Variants in FAXDC2 observed in about 807,000 individuals in gnomAD.
FAXDC2 encodes fatty acid hydroxylase domain-containing protein 2.
A neutral mutation model predicts 40.9 loss-of-function variants in FAXDC2; 41 were observed. That is an observed-to-expected ratio of 1.00 (90% CI 0.78 to 1.30). FAXDC2 has a LOEUF of 1.30. Ranked by LOEUF, FAXDC2 falls within the 50% of genes most tolerant of loss-of-function variation. FAXDC2 has a pLI of 0.00. For missense variants in FAXDC2, 390 were observed against 408.8 expected, an observed-to-expected ratio of 0.95 and a Z score of 0.40; for synonymous variants, 157 against 149.3, an observed-to-expected ratio of 1.05 and a Z score of -0.38.
rs563134605 is a variant in FAXDC2, at chr5:154,838,192, G to A, written c.1-14C>T. 14 of 1,612,660 alleles carry A rather than the reference G, an allele frequency of 8.7e-6. No individual in the cohort carries two copies. The highest frequency in any genetic ancestry group is 5.3e-5 in the African/African-American group (4 of 74,952). ...TTCTCCTTTCATCTGGAATGAGAAA[G>A]CACAGGCGAGCCGGGGAGTTATTTT... is the stretch of plus-strand genomic sequence containing the variant. On this transcript the variant is annotated splice_polypyrimidine_tract_variant and intron_variant, in intron 1 of 8. Transcript: ENST00000326080.
rs565491847 is a variant in FAXDC2, at chr5:154,823,751, G to A, written c.367-159C>T. On this transcript the variant is annotated intron_variant, in intron 5 of 8. Transcript: ENST00000326080. ...GCCACCCAGCTCTGGGCCTGGAAAC[G>A]TTGCAGAATAAGGCCCTGGCTGCTA... 1.1e-3 allele frequency: 699 copies of A among 626,578 alleles called. 3 individuals carry two copies. Among genetic ancestry groups the A allele is most frequent in the Middle Eastern group, 3.0e-3 (7 of 2,328 alleles). 38.8% of individuals were successfully genotyped at this position (626,578 alleles called of 1,614,324 possible).
intron 7 of FAXDC2, 60 bp from the exon 8 acceptor site, chr5:154,821,486 A>G (rs2113118493): frequency 1.4e-6 from 2 of 1,398,242 alleles, no homozygotes; most frequent in Non-Finnish European, 1.9e-6. Context: ...TTAGTTGGGT[A>G]TACACTTAGT....
intron 1 of FAXDC2, among the ~76,000 whole-genome samples, chr5:154,848,029 C>T (rs1171983483): frequency 2.6e-5 from 4 of 152,024 alleles, no homozygotes; most frequent in East Asian, 1.9e-4. Flanking sequence ...TTAGTAGAGA[C>T]AGGGTTTCAC....
rs1190017758 is a variant in FAXDC2, at chr5:154,834,702, GA to G, written c.166del (p.Ser56LeufsTer13). The stretch of plus-strand genomic sequence containing the variant: ...CCACTGGGCTTGCCAAAAGTAGCCA[GA>G]AGCACCCCAAAATCTCTGAAGATGC... ...TWHLQRFWGA[S>X]GYFWQAQWER... On this transcript the variant is annotated frameshift_variant, in exon 4 of 9. Transcript: ENST00000326080. LOFTEE classifies it high-confidence loss of function. 6.2e-7 allele frequency: 1 copy of G among 1,613,764 alleles called. No individual in the cohort carries two copies. The highest frequency in any genetic ancestry group is 1.7e-5 in the Admixed American group (1 of 59,880).
At chr5:154,820,711 G>A in intron 8 of FAXDC2, 2 of 409,070 alleles carry the variant, frequency 4.9e-6, no homozygotes, top group Non-Finnish European at 9.1e-6. Context: ...CTGTGTGATT[G>A]ATGCCCACAG....
intron 5 of FAXDC2, among the ~76,000 whole-genome samples, chr5:154,828,926 T>C (rs1424959838): frequency 2.7e-5 from 4 of 149,544 alleles, no homozygotes; most frequent in Non-Finnish European, 4.5e-5. Context: ...TTTTTTCTTT[T>C]TTTTTTTTTT....
rs1349613140 is a variant in FAXDC2, at chr5:154,824,465, C to T, written c.367-873G>A. 19 of 702,346 alleles carry T rather than the reference C, an allele frequency of 2.7e-5. No homozygotes were observed. In the Admixed American group the frequency reaches 3.4e-4, roughly 13 times the overall value. 43.5% of individuals were successfully genotyped at this position (702,346 alleles called of 1,614,324 possible). A position where few individuals can be genotyped will look rare whatever the true frequency, so the allele number is the denominator to read the frequency against. On this transcript the variant is annotated intron_variant, in intron 5 of 8. Coordinates refer to ENST00000326080, the MANE Select transcript of FAXDC2 (RefSeq NM_032385.5). ...GTCCCCAGCTTGAGGCCTGCCTCTT[C>T]CTCCAGCCTTTCCAGGCACTGCATG... is the stretch of plus-strand genomic sequence containing the variant.
intron 5 of FAXDC2, chr5:154,824,294 C>T: frequency 1.7e-6 from 1 of 591,210 alleles, no homozygotes; most frequent in Non-Finnish European, 3.0e-6. Context: ...TTCCCTTTGT[C>T]AGAGCACTGG....
At chr5:154,821,174 G>A (rs1047853396) in intron 8 of FAXDC2, 86 bp downstream of exon 8, 17 of 1,120,390 alleles carry the variant, frequency 1.5e-5, no homozygotes, top group Non-Finnish European at 1.9e-5. Flanking sequence ...CATGTAAACT[G>A]AGATACCAGT....
chr5:154,828,025 T>A (rs907430106), intron 5 of FAXDC2, among the ~76,000 whole-genome samples: 1 of 151,532 alleles, frequency 6.6e-6, no homozygotes, highest in African/African-American at 2.4e-5. Context: ...AGTTAAAAAA[T>A]TTTTTGTAGA....
At chr5:154,838,599 GTTTGT>G (rs1466034519) in intron 1 of FAXDC2, 1 of 211,266 alleles carries the variant, frequency 4.7e-6, no homozygotes, top group Non-Finnish European at 9.3e-6. Context: ...AGTTGGTTTG[GTTTGT>G]TCTTTTTTTT....
chr5:154,847,544 A>T (rs1444847574), intron 1 of FAXDC2, among the ~76,000 whole-genome samples: 2 of 145,754 alleles, frequency 1.4e-5, no homozygotes, highest in African/African-American at 5.1e-5. Context: ...CTGGAGTGCA[A>T]TGGCATGACC....
intron 1 of FAXDC2, among the ~76,000 whole-genome samples, chr5:154,846,268 T>TTGTGTG (rs1561662366): frequency 8.5e-6 from 1 of 118,284 alleles, no homozygotes; most frequent in African/African-American, 3.2e-5. Context: ...GTGAACTAGA[T>TTGTGTG]AGTGTGTGTG....
chr5:154,844,839 C>G (rs1376061621), intron 1 of FAXDC2, among the ~76,000 whole-genome samples: 2 of 152,178 alleles, frequency 1.3e-5, no homozygotes, highest in African/African-American at 4.8e-5. Flanking sequence ...GAGTGCTGAT[C>G]ATGCCCACTG....
chr5:154,839,730 A>G (rs1760436224), intron 1 of FAXDC2, among the ~76,000 whole-genome samples: 1 of 152,246 alleles, frequency 6.6e-6, no homozygotes, highest in African/African-American at 2.4e-5. Flanking sequence ...ATTTTGGACC[A>G]TATGAATGTA....
intron 7 of FAXDC2, 92 bp downstream of exon 7, chr5:154,822,380 G>A (rs1759910756): frequency 2.4e-6 from 2 of 820,440 alleles, no homozygotes; most frequent in Non-Finnish European, 4.1e-6. Context: ...AAGAAAAAGG[G>A]CCGGTGTGGT....
chr5:154,820,385 T>G lies in FAXDC2; in HGVS notation c.933A>C (p.Arg311Ser). The G allele has an allele frequency of 6.2e-7, 1 of 1,613,114 alleles. No homozygotes were observed. Among genetic ancestry groups the G allele is most frequent in the Non-Finnish European group, 8.5e-7 (1 of 1,179,882 alleles). ...TMFKQTKAYERHVLLLGFTPL... is the reference protein window; with the variant it reads ...TMFKQTKAYESHVLLLGFTPL... ...GGGTGAAGCCCAGCAGGAGGACATG[T>G]CTCTCGTAGGCCTTGGTCTGCTTGA... is the stretch of plus-strand genomic sequence containing the variant. Residue 311 changes from arginine (R) to serine (S), a missense_variant, in exon 9 of 9, where the codon AGA becomes AGC. By Grantham distance (110) the Arg-to-Ser change is moderately radical (BLOSUM62 -1). Transcript: ENST00000326080.
intron 1 of FAXDC2, among the ~76,000 whole-genome samples, chr5:154,845,445 A>T (rs1284222049): frequency 6.6e-6 from 1 of 152,064 alleles, no homozygotes; most frequent in African/African-American, 2.4e-5. Context: ...TTCCTTTTGG[A>T]GTGTGCCGTC....
At chr5:154,821,479 G>C in intron 7 of FAXDC2, 53 bp from the exon 8 acceptor site, 2 of 1,490,934 alleles carry the variant, frequency 1.3e-6, no homozygotes, top group Non-Finnish European at 1.8e-6. Flanking sequence ...AAGGGACTTA[G>C]TTGGGTATAC....
Sources: gnomAD v4.1 joint callset for allele counts (sites outside exome capture counted in the v4.1 genomes callset) on GRCh38, gnomAD v4.1.1 for gene constraint, MANE v1.5 for transcripts, NCBI Gene and HGNC (gene_info 2026-07-23, HGNC 2026-07-21) for gene names.